Variants in PLPP1 observed in about 807,000 individuals in gnomAD.
PLPP1 encodes the protein lipid phosphate phosphohydrolase 1a.
In PLPP1, 24 loss-of-function variants were observed where a neutral mutation model predicts 31.2. That is an observed-to-expected ratio of 0.77 (90% CI 0.56 to 1.08). The LOEUF (loss-of-function observed/expected upper bound fraction) is 1.08. Ranked by LOEUF, PLPP1 falls within the 50% of genes least tolerant of loss-of-function variation. PLPP1 has a pLI of 0.00. For synonymous variants in PLPP1, 146 were observed against 126.3 expected (o/e 1.16, Z -1.05); for missense variants, 319 against 342.7 (o/e 0.93, Z 0.55).
Position 55,468,073 on chromosome 5 carries a change from G to C in PLPP1, c.287C>G (p.Ala96Gly). 1 of 1,613,966 alleles carries C rather than the reference G, an allele frequency of 6.2e-7. No individual in the cohort carries two copies. Among genetic ancestry groups the C allele is most frequent in the South Asian group, 1.1e-5 (1 of 91,070 alleles). The change falls in exon 3 of 6, where the codon GCC becomes GGC. Residue 96 changes from alanine (A) to glycine (G), a missense_variant. Ala to Gly is a moderately conservative substitution (Grantham distance 60). Transcript: ENST00000307259. ...GGTTCCAATGGCTTTGTAAATAGTG[G>C]CTATGTAGTTATTCCTGATAAAGGA... ...SNSFIRNNYI[A>G]TIYKAIGTFL... is the part of the protein sequence containing the mutation.
chr5:55,434,319 T>A (rs1287517682), intron 4 of PLPP1, among the ~76,000 whole-genome samples: 1 of 151,446 alleles, frequency 6.6e-6, no homozygotes, highest in African/African-American at 2.4e-5. Flanking sequence ...CGCATAAGGA[T>A]CAGAAGAATT....
At chr5:55,458,871 G>C (rs943640447) in intron 3 of PLPP1, among the ~76,000 whole-genome samples, 1 of 109,574 alleles carries the variant, frequency 9.1e-6, no homozygotes, top group African/African-American at 3.5e-5. Flanking sequence ...CTGGGCAACA[G>C]AGGAGACCCT....
intron 1 of PLPP1, among the ~76,000 whole-genome samples, chr5:55,477,963 G>C (rs1752591527): frequency 6.7e-6 from 1 of 149,782 alleles, no homozygotes. Context: ...CTGGGTGACA[G>C]AGTGACACTC....
intron 4 of PLPP1, among the ~76,000 whole-genome samples, chr5:55,440,915 G>C (rs1751607122): frequency 6.6e-6 from 1 of 151,988 alleles, no homozygotes; most frequent in South Asian, 2.1e-4. Context: ...GAACACAACT[G>C]TATAAAAATC....
At chr5:55,437,004 TG>T (rs1044807827) in intron 4 of PLPP1, among the ~76,000 whole-genome samples, 3 of 152,162 alleles carry the variant, frequency 2.0e-5, no homozygotes, top group African/African-American at 7.2e-5. Flanking sequence ...CCTTCCACTG[TG>T]TGAGGACATT....
intron 4 of PLPP1, among the ~76,000 whole-genome samples, chr5:55,427,545 C>T (rs1402488935): frequency 6.6e-6 from 1 of 152,176 alleles, no homozygotes; most frequent in Non-Finnish European, 1.5e-5. Context: ...TCCCATGCTA[C>T]TTCCAACCTG....
intron 1 of PLPP1, among the ~76,000 whole-genome samples, chr5:55,520,356 TAAAC>T (rs1285480795): frequency 3.9e-5 from 6 of 152,150 alleles, no homozygotes; most frequent in Admixed American, 1.3e-4. Flanking sequence ...TAGGACAAAT[TAAAC>T]AAACAAACAA....
In PLPP1 at chr5:55,534,511, T is replaced by G. The variant is rs540856063; in HGVS notation, c.58+61A>C. ...ACACCCCCGCTGCCCGTCGCGGCTC[T>G]GCGCTAAAGCCCTCCCGGGACAGCC... On this transcript the variant is annotated intron_variant, in intron 1 of 5. Transcript: ENST00000307259. The G allele has an allele frequency of 1.3e-5, 19 of 1,470,346 alleles. No individual in the cohort carries two copies. The Middle Eastern group carries it at 6.6e-4, about 51-fold the overall frequency. 91.1% of individuals were successfully genotyped at this position (1,470,346 alleles called of 1,614,324 possible). A position where few individuals can be genotyped will look rare whatever the true frequency, so the allele number is the denominator to read the frequency against.
At chr5:55,531,468 T>C (rs544948371) in intron 1 of PLPP1, among the ~76,000 whole-genome samples, 1 of 152,342 alleles carries the variant, frequency 6.6e-6, no homozygotes, top group Non-Finnish European at 1.5e-5. Context: ...AAAATGGCTA[T>C]ACTGTATGAT....
intron 1 of PLPP1, among the ~76,000 whole-genome samples, chr5:55,483,029 T>C (rs2111830697): frequency 1.3e-5 from 2 of 152,256 alleles, no homozygotes; most frequent in Admixed American, 1.3e-4. Flanking sequence ...AATCCCAAAC[T>C]TTTCAAATGT....
chr5:55,526,807 A>T (rs10061782), intron 1 of PLPP1, among the ~76,000 whole-genome samples: 3 of 151,554 alleles, frequency 2.0e-5, no homozygotes, highest in Non-Finnish European at 4.4e-5. Context: ...TGGCGCACAT[A>T]TGTAGTCCCA....
At chr5:55,518,063 G>A (rs1753589173) in intron 1 of PLPP1, among the ~76,000 whole-genome samples, 1 of 152,050 alleles carries the variant, frequency 6.6e-6, no homozygotes, top group African/African-American at 2.4e-5. Context: ...TCAGACTACT[G>A]ATCTCGTGAT....
intron 4 of PLPP1, among the ~76,000 whole-genome samples, chr5:55,436,322 T>C (rs1439929242): frequency 1.1e-4 from 17 of 152,222 alleles, no homozygotes; most frequent in African/African-American, 4.1e-4. Flanking sequence ...AACTGAATCA[T>C]GGGGGCAGGT....
intron 1 of PLPP1, among the ~76,000 whole-genome samples, chr5:55,506,484 C>T (rs1753282236): frequency 6.6e-6 from 1 of 152,104 alleles, no homozygotes; most frequent in Non-Finnish European, 1.5e-5. Flanking sequence ...AGCCTAACTT[C>T]CAGGGTCTCT....
At chr5:55,425,539 T>C (rs549556787) in intron 5 of PLPP1, 37 of 501,892 alleles carry the variant, frequency 7.4e-5, no homozygotes, top group Non-Finnish European at 1.1e-4. Flanking sequence ...CTTCAGCAAA[T>C]AGCTTCATTT....
At chr5:55,438,538 A>C (rs1354033756) in intron 4 of PLPP1, among the ~76,000 whole-genome samples, 3 of 152,198 alleles carry the variant, frequency 2.0e-5, no homozygotes, top group Non-Finnish European at 4.4e-5. Context: ...CTGACTCATG[A>C]AGCCAAGGTG....
intron 5 of PLPP1, 129 bp from the exon 6 acceptor site, chr5:55,425,463 TA>T: frequency 1.2e-6 from 1 of 858,794 alleles, no homozygotes; most frequent in Non-Finnish European, 1.7e-6. Flanking sequence ...ATTAAGCATA[TA>T]AAAAATTAGA....
chr5:55,496,568 T>G (rs1753007320), intron 1 of PLPP1, among the ~76,000 whole-genome samples: 1 of 152,266 alleles, frequency 6.6e-6, no homozygotes, highest in Non-Finnish European at 1.5e-5. Context: ...TTTTCTAAAC[T>G]CTGCCCACCT....
At chr5:55,443,192 A>AAAAAAAAAAAAAAATATATATAT in intron 3 of PLPP1, among the ~76,000 whole-genome samples, 3 of 25,430 alleles carry the variant, frequency 1.2e-4, no homozygotes, top group Non-Finnish European at 1.7e-4. Context: ...AAAAAAAAAA[A>AAAAAAAAAAAAAAATATATATAT]ATATATATAT....
Sources: allele counts gnomAD v4.1 joint callset (sites outside exome capture counted in the v4.1 genomes callset), GRCh38; gene constraint gnomAD v4.1.1; transcripts MANE v1.5; gene names NCBI Gene and HGNC (gene_info 2026-07-23, HGNC 2026-07-21).